The following TECPR2 variants were observed in gnomAD, a reference collection of about 807,000 sequenced individuals.
TECPR2 encodes tectonin beta-propeller repeat containing 2, also known as tectonin beta-propeller repeat-containing protein 2.
In TECPR2, 65 loss-of-function variants were observed where a neutral mutation model predicts 138.1. That is an observed-to-expected ratio of 0.47 (90% CI 0.39 to 0.58). The LOEUF is 0.58. Ranked by LOEUF, TECPR2 falls within the 20% of genes least tolerant of loss-of-function variation. TECPR2 has a pLI of 0.00. For synonymous variants in TECPR2, 746 were observed against 749.8 expected (o/e 0.99, Z 0.08); for missense variants, 1,553 against 1,824.5 (o/e 0.85, Z 2.71).
chr14:102,463,535 A>G (rs1890471987), intron 16 of TECPR2, among the ~76,000 whole-genome samples: 1 of 151,882 alleles, frequency 6.6e-6, no homozygotes, highest in Non-Finnish European at 1.5e-5. Flanking sequence ...CTGTCTCAAA[A>G]AAAATAAAAA....
intron 7 of TECPR2, among the ~76,000 whole-genome samples, chr14:102,429,077 C>T (rs1397998480): frequency 6.6e-6 from 1 of 152,158 alleles, no homozygotes; most frequent in Non-Finnish European, 1.5e-5. Flanking sequence ...AAACTCCCGA[C>T]CTCAGGCGAT....
rs1180444108 is a variant in TECPR2, at chr14:102,362,954, C to A, written c.-235C>A. ...CCGCCCGCTGCCACTTGTGGCTCTG[C>A]CGCTCTAGCCCCCGGCGGAGCCAGC... On this transcript the variant is annotated 5_prime_UTR_variant, in exon 1 of 20. Transcript: ENST00000359520. 2 of 1,459,354 alleles carry A rather than the reference C, an allele frequency of 1.4e-6. No individual in the cohort carries two copies. Among genetic ancestry groups the A allele is most frequent in the East Asian group, 4.9e-5 (2 of 41,182 alleles). 90.4% of individuals were successfully genotyped at this position (1,459,354 alleles called of 1,614,324 possible).
intron 8 of TECPR2, among the ~76,000 whole-genome samples, chr14:102,432,909 C>A (rs1190649566): frequency 6.7e-6 from 1 of 150,018 alleles, no homozygotes; most frequent in Non-Finnish European, 1.5e-5. Context: ...GAGGCTGAGG[C>A]AGGAGAATCA....
chr14:102,375,782 G>T (rs1887626782), intron 1 of TECPR2, among the ~76,000 whole-genome samples: 1 of 152,126 alleles, frequency 6.6e-6, no homozygotes, highest in African/African-American at 2.4e-5. Context: ...GTTGTCAAGA[G>T]CCTAGGACTT....
chr14:102,418,699 GA>G (rs1333075824), intron 5 of TECPR2, among the ~76,000 whole-genome samples: 1 of 152,186 alleles, frequency 6.6e-6, no homozygotes, highest in Non-Finnish European at 1.5e-5. Flanking sequence ...CTGCTGCTTG[GA>G]ATATGCTGGA....
At chr14:102,424,808 C>T (rs959171490) in intron 5 of TECPR2, among the ~76,000 whole-genome samples, 171 bp from the exon 6 acceptor site, 1 of 152,160 alleles carries the variant, frequency 6.6e-6, no homozygotes, top group Admixed American at 6.5e-5. Context: ...TCTGTTGGTA[C>T]AGGGATGACA....
chr14:102,487,581 C>T (rs1482749074), intron 17 of TECPR2, among the ~76,000 whole-genome samples: 2 of 152,130 alleles, frequency 1.3e-5, no homozygotes, highest in Admixed American at 1.3e-4. Flanking sequence ...TCGCTCTCTC[C>T]CCCAAGCTGG....
At chr14:102,488,362 G>A (rs528959924) in intron 17 of TECPR2, among the ~76,000 whole-genome samples, 4 of 137,884 alleles carry the variant, frequency 2.9e-5, no homozygotes, top group Non-Finnish European at 6.2e-5. Context: ...TTTTTGATAC[G>A]TAGTTTCACT....
At chr14:102,406,129 A>G (rs1888652530) in intron 2 of TECPR2, among the ~76,000 whole-genome samples, 1 of 152,208 alleles carries the variant, frequency 6.6e-6, no homozygotes, top group East Asian at 1.9e-4. Flanking sequence ...ACAAGATTAA[A>G]TATTCGTGGA....
At chr14:102,421,944 G>A (rs1455506170) in intron 5 of TECPR2, among the ~76,000 whole-genome samples, 1 of 152,182 alleles carries the variant, frequency 6.6e-6, no homozygotes, top group East Asian at 1.9e-4. Context: ...GAAGGAATCA[G>A]CCAGGCATAG....
chr14:102,493,711 C>G (rs1393348375), intron 17 of TECPR2, among the ~76,000 whole-genome samples: 4 of 152,230 alleles, frequency 2.6e-5, no homozygotes, highest in African/African-American at 9.6e-5. Flanking sequence ...TTGCATCCCA[C>G]AGCCCTGCTG....
intron 15 of TECPR2, among the ~76,000 whole-genome samples, chr14:102,450,950 A>G (rs925263368): frequency 1.3e-5 from 2 of 152,250 alleles, no homozygotes; most frequent in Non-Finnish European, 2.9e-5. Flanking sequence ...TTCCAGTGGC[A>G]CATGGCAGGG....
At chr14:102,441,044 C>T (rs1381737267) in intron 11 of TECPR2, among the ~76,000 whole-genome samples, 1 of 151,374 alleles carries the variant, frequency 6.6e-6, no homozygotes, top group Non-Finnish European at 1.5e-5. Context: ...TACCCGTGGG[C>T]CAGGAAAAAA....
intron 11 of TECPR2, among the ~76,000 whole-genome samples, chr14:102,441,616 G>A (rs1193995799): frequency 2.0e-5 from 3 of 152,038 alleles, no homozygotes; most frequent in Non-Finnish European, 4.4e-5. Context: ...CTTGAACCTG[G>A]GAGGCAGAGC....
Position 102,369,062 on chromosome 14 carries a change from T to C in TECPR2, c.-73+5946T>C, listed in dbSNP as rs1302278373. 3.3e-5 allele frequency among the ~76,000 whole-genome samples: 5 copies of C among 152,204 alleles called. No homozygotes were observed. The South Asian group carries it at 1.0e-3, about 31-fold the overall frequency. ...AGCCCTGCGCTCCCTCCCTGGGTTCTGAAGTTGCTTTTGGTAGGATTATCA... is the reference window on the plus strand; with the variant it reads ...AGCCCTGCGCTCCCTCCCTGGGTTCCGAAGTTGCTTTTGGTAGGATTATCA... On this transcript the variant is annotated intron_variant, in intron 1 of 19. Transcript: ENST00000359520.
In TECPR2 at chr14:102,362,963, C is replaced by T. The variant is rs558440446; in HGVS notation, c.-226C>T. The stretch of plus-strand genomic sequence containing the variant: ...GCCACTTGTGGCTCTGCCGCTCTAG[C>T]CCCCGGCGGAGCCAGCTGCTGCTCT... On this transcript the variant is annotated 5_prime_UTR_variant, in exon 1 of 20. Coordinates refer to ENST00000359520, the MANE Select transcript of TECPR2 (RefSeq NM_014844.5). 39 of 1,422,724 alleles carry T rather than the reference C, an allele frequency of 2.7e-5. No individual in the cohort carries two copies. The Admixed American group carries it at 4.3e-4, about 16-fold the overall frequency. 88.1% of individuals were successfully genotyped at this position (1,422,724 alleles called of 1,614,324 possible). A position where few individuals can be genotyped will look rare whatever the true frequency, so the allele number is the denominator to read the frequency against.
intron 4 of TECPR2, among the ~76,000 whole-genome samples, chr14:102,410,443 C>A (rs1888799727): frequency 6.7e-6 from 1 of 148,284 alleles, no homozygotes; most frequent in African/African-American, 2.5e-5. Context: ...TGAGAAACAC[C>A]CAAGAATTAT....
At chr14:102,460,437 A>AGC (rs2139765847) in intron 16 of TECPR2, among the ~76,000 whole-genome samples, 1 of 151,914 alleles carries the variant, frequency 6.6e-6, no homozygotes, top group Admixed American at 6.6e-5. Context: ...AACATGGTGA[A>AGC]GCCCCGTCTC....
chr14:102,403,417 T>C (rs182473764), intron 2 of TECPR2, among the ~76,000 whole-genome samples: 5 of 152,248 alleles, frequency 3.3e-5, no homozygotes, highest in Non-Finnish European at 7.4e-5. Flanking sequence ...CAGTGAACAA[T>C]TATACTTAAT....
Sources: allele counts gnomAD v4.1 joint callset (sites outside exome capture counted in the v4.1 genomes callset), GRCh38; gene constraint gnomAD v4.1.1; transcripts MANE v1.5; gene names NCBI Gene and HGNC (gene_info 2026-07-23, HGNC 2026-07-21).